Variants in GPR132 observed in about 807,000 individuals in gnomAD.
The protein encoded by GPR132 is G protein-coupled receptor 132, also known as probable G protein-coupled receptor 132.
GPR132 carries 4 observed loss-of-function variants against 1.9 expected under a neutral mutation model. The ratio of observed to expected loss-of-function variants is 2.13; its 90% CI spans 1.05 to 4.87. The LOEUF (loss-of-function observed/expected upper bound fraction) is 4.87, where lower values mean the gene tolerates loss of function less well. Ranked by LOEUF, GPR132 falls within the 30% of genes most tolerant of loss-of-function variation. GPR132 has a pLI of 0.01. For synonymous variants in GPR132, 233 were observed against 234.2 expected (o/e 0.99, Z 0.05); for missense variants, 404 against 512.5 (o/e 0.79, Z 2.04).
At chr14:105,063,093 C>T (rs966617418) in intron 1 of GPR132, among the ~76,000 whole-genome samples, 2 of 152,036 alleles carry the variant, frequency 1.3e-5, no homozygotes. Flanking sequence ...AATTTTTGTA[C>T]TTTTATTCTT....
rs111359008 is a variant in GPR132 at position 105,056,409 on chromosome 14, GC to G, written c.-746-244del. Reference sequence around the variant, plus strand: ...GAGGAAGTTTCGGGCCCCCTACACGGCCCCGTCTCTTTCATGACAATCACAG... The same window carrying G: ...GAGGAAGTTTCGGGCCCCCTACACGGCCCGTCTCTTTCATGACAATCACAG... On this transcript the variant is annotated intron_variant, in intron 2 of 3. Coordinates refer to ENST00000329797, the MANE Select transcript of GPR132 (RefSeq NM_013345.4). This position sits in a 1 kb window ranked among gnomAD's most constrained non-coding sequence, Gnocchi z 6.0. Among the ~76,000 whole-genome samples, 35 of 152,304 alleles carry G rather than the reference GC, an allele frequency of 2.3e-4. No homozygotes were observed. The highest frequency in any genetic ancestry group is 7.9e-4 in the African/African-American group (33 of 41,572).
At position 105,055,122 on chromosome 14, in the gene GPR132, G is replaced by A. The variant is rs1886755763; in HGVS notation, c.34+265C>T. ...AGGCAGGTGGATCACCCGAGGTCTGGAGTTCCAGACCAGCCTGACCAACAT... is the reference window on the plus strand; with the variant it reads ...AGGCAGGTGGATCACCCGAGGTCTGAAGTTCCAGACCAGCCTGACCAACAT... On this transcript the variant is annotated intron_variant, in intron 3 of 3. Coordinates refer to ENST00000329797, the MANE Select transcript of GPR132 (RefSeq NM_013345.4). The surrounding 1 kb of genome is among the most constrained non-coding windows in gnomAD (Gnocchi z 4.7). 6.6e-6 allele frequency among the ~76,000 whole-genome samples: 1 copy of A among 151,550 alleles called. No individual in the cohort carries two copies. The highest frequency in any genetic ancestry group is 2.1e-4 in the South Asian group (1 of 4,814).
At chr14:105,054,511 A>C (rs1595136288) in intron 3 of GPR132, 1 of 607,814 alleles carries the variant, frequency 1.6e-6, no homozygotes, top group Non-Finnish European at 2.1e-6. Context: ...TGCTACTGCA[A>C]CCTCTGCCTC....
At chr14:105,054,447 G>A (rs1318489375) in intron 3 of GPR132, 73 of 845,448 alleles carry the variant, frequency 8.6e-5, no homozygotes, top group African/African-American at 1.2e-4. Flanking sequence ...TTTTTGAGAC[G>A]TAGTCTCAAA....
chr14:105,061,460 G>T (rs1886940237), intron 1 of GPR132, among the ~76,000 whole-genome samples: 1 of 152,216 alleles, frequency 6.6e-6, no homozygotes. Context: ...GTGAGCTCAG[G>T]ATAGGGGCTC....
rs199688890 is a variant in GPR132 at position 105,062,912 on chromosome 14, ATTTG to A, written c.-861+2463_-861+2466del. Among the ~76,000 whole-genome samples, 897 of 148,536 alleles carry A rather than the reference ATTTG, an allele frequency of 6.0e-3. 8 individuals are homozygous for A. Among genetic ancestry groups the A allele is most frequent in the Non-Finnish European group, 6.9e-3 (464 of 67,068 alleles). Reference sequence around the variant, plus strand: ...ACCCTCTCCCTCTCTCTCTTGCTTTATTTGTTTGTTTGTTTGTTTATTTATTTAT... The same window carrying A: ...ACCCTCTCCCTCTCTCTCTTGCTTTATTTGTTTGTTTGTTTATTTATTTAT... On this transcript the variant is annotated intron_variant, in intron 1 of 3. Transcript: ENST00000329797.
intron 3 of GPR132, chr14:105,053,982 G>T (rs997614227): frequency 4.0e-6 from 5 of 1,240,694 alleles, no homozygotes; most frequent in Non-Finnish European, 5.2e-6. Flanking sequence ...CAGCCAGGGG[G>T]TTGCTAGAGG....
chr14:105,052,475 G>C (rs991965728), intron 3 of GPR132, among the ~76,000 whole-genome samples: 2 of 151,890 alleles, frequency 1.3e-5, no homozygotes, highest in Non-Finnish European at 2.9e-5. Context: ...TTACAGGCAC[G>C]TGCCACCATG....
Position 105,052,002 on chromosome 14 carries a change from CA to C in GPR132, c.134del (p.Leu45ArgfsTer18), listed in dbSNP as rs746108332. ...NVSFEESRIVLVVVYSAVCTL... is the reference protein window; with the variant it reads ...NVSFEESRIVXVVVYSAVCTL... ...TGCACACCGCGCTGTACACCACGAC[CA>C]GGACTATCCTGCTCTCTTCGAAGGA... is the stretch of plus-strand genomic sequence containing the variant. On this transcript the variant is annotated frameshift_variant, in exon 4 of 4. Coordinates refer to ENST00000329797, the MANE Select transcript of GPR132 (RefSeq NM_013345.4). LOFTEE classifies it low-confidence loss of function (END_TRUNC). 10 of 1,612,574 alleles carry C rather than the reference CA, an allele frequency of 6.2e-6. No individual in the cohort carries two copies. In the Admixed American group the frequency reaches 1.3e-4, roughly 21 times the overall value.
chr14:105,062,706 T>A (rs1257889662), intron 1 of GPR132, among the ~76,000 whole-genome samples: 1 of 151,740 alleles, frequency 6.6e-6, no homozygotes, highest in African/African-American at 2.4e-5. Flanking sequence ...GTCCAGCTAC[T>A]TTTTTTGTAT....
rs1035108801 is a variant in GPR132, at chr14:105,050,628, A to G, written c.*366T>C. 3.6e-5 allele frequency: 10 copies of G among 279,124 alleles called. No individual in the cohort carries two copies. Among genetic ancestry groups the G allele is most frequent in the African/African-American group, 2.0e-4 (9 of 46,070 alleles). 17.3% of individuals were successfully genotyped at this position (279,124 alleles called of 1,614,324 possible). ...GCAACGCTTGCAGAAATGCTCCGCA[A>G]ATAAAGTCATCGCCACTGATGCGAA... On this transcript the variant is annotated 3_prime_UTR_variant, in exon 4 of 4. Transcript: ENST00000329797. The surrounding 1 kb of genome is among the most constrained non-coding windows in gnomAD (Gnocchi z 4.0).
intron 1 of GPR132, among the ~76,000 whole-genome samples, chr14:105,061,016 A>T (rs1312323512): frequency 6.6e-6 from 1 of 152,252 alleles, no homozygotes; most frequent in Non-Finnish European, 1.5e-5. Context: ...CGGCCCATGC[A>T]GCGTGAGCTG....
Position 105,060,928 on chromosome 14 carries a change from G to A in GPR132, c.-860-3648C>T. 6.6e-6 allele frequency among the ~76,000 whole-genome samples: 1 copy of A among 152,250 alleles called. No homozygotes were observed. Among genetic ancestry groups the A allele is most frequent in the South Asian group, 2.1e-4 (1 of 4,834 alleles). On this transcript the variant is annotated intron_variant, in intron 1 of 3. Coordinates refer to ENST00000329797, the MANE Select transcript of GPR132 (RefSeq NM_013345.4). The surrounding 1 kb of genome is among the most constrained non-coding windows in gnomAD (Gnocchi z 6.3). ...GAGGCTCACAGCGAGGCCCCTCTGG[G>A]ATCCAGGCCTGTATGTTGAGAGCAG...
rs1326066717 is a variant in GPR132 at position 105,049,617 on chromosome 14, G to A, written c.*1377C>T. On this transcript the variant is annotated 3_prime_UTR_variant, in exon 4 of 4. Coordinates refer to ENST00000329797, the MANE Select transcript of GPR132 (RefSeq NM_013345.4). ...TGTATTTTTCTGATGACTCTCAAGG[G>A]GAGGATGGCTGTTTTGGCTGGGTGT... is the stretch of plus-strand genomic sequence containing the variant. The A allele has an allele frequency of 6.6e-6, 1 of 151,968 alleles. No homozygotes were observed. The highest frequency in any genetic ancestry group is 1.5e-5 in the Non-Finnish European group (1 of 68,050). 9.4% of individuals were successfully genotyped at this position (151,968 alleles called of 1,614,324 possible). A position where few individuals can be genotyped will look rare whatever the true frequency, so the allele number is the denominator to read the frequency against.
chr14:105,062,778 T>C (rs574113271), intron 1 of GPR132, among the ~76,000 whole-genome samples: 1 of 151,978 alleles, frequency 6.6e-6, no homozygotes, highest in African/African-American at 2.4e-5. Flanking sequence ...TGGGCTCCAA[T>C]GATCCTCCTG....
Position 105,052,109 on chromosome 14 carries a change from G to A in GPR132, c.35-7C>T, listed in dbSNP as rs373787926. On this transcript the variant is annotated splice_region_variant and splice_polypyrimidine_tract_variant and intron_variant, in intron 3 of 3. Coordinates refer to ENST00000329797, the MANE Select transcript of GPR132 (RefSeq NM_013345.4). ...GTCACTGGGGTGGCGTTTCCTGTGG[G>A]ACAGAGACAAGAGTGAGGACGGGAG... The A allele has an allele frequency of 6.4e-5, 99 of 1,552,192 alleles. No individual in the cohort carries two copies. Among genetic ancestry groups the A allele is most frequent in the Non-Finnish European group, 7.6e-5 (88 of 1,151,806 alleles).
intron 3 of GPR132, among the ~76,000 whole-genome samples, chr14:105,052,528 T>C (rs1036324938): frequency 2.0e-5 from 3 of 151,332 alleles, no homozygotes; most frequent in Non-Finnish European, 2.9e-5. Flanking sequence ...GGTTTCACCA[T>C]GTTGGCCAGG....
At position 105,050,849 on chromosome 14, in the gene GPR132, C is replaced by T. The variant is rs909125870; in HGVS notation, c.*145G>A. The T allele has an allele frequency of 5.6e-5, 42 of 754,520 alleles. No individual in the cohort carries two copies. The highest frequency in any genetic ancestry group is 8.3e-5 in the Admixed American group (3 of 36,138). The allele number at this position is 754,520 out of a possible 1,614,324, so 46.7% of individuals were successfully genotyped here. On this transcript the variant is annotated 3_prime_UTR_variant, in exon 4 of 4. Transcript: ENST00000329797. The surrounding 1 kb of genome is among the most constrained non-coding windows in gnomAD (Gnocchi z 4.0). Reference sequence around the variant, plus strand: ...TGGGAAAGCCTGGGGCCAGTGGTCACGGAGGGAGTGGCTTCAGGAACGAGA... The same window carrying T: ...TGGGAAAGCCTGGGGCCAGTGGTCATGGAGGGAGTGGCTTCAGGAACGAGA...
chr14:105,063,054 A>T (rs1008605143), intron 1 of GPR132, among the ~76,000 whole-genome samples: 24 of 152,020 alleles, frequency 1.6e-4, no homozygotes, highest in African/African-American at 5.8e-4. Flanking sequence ...AGTAACTGGG[A>T]CTACAGGCAC....
Sources: allele counts gnomAD v4.1 joint callset (sites outside exome capture counted in the v4.1 genomes callset), GRCh38; gene constraint gnomAD v4.1.1; non-coding constraint Gnocchi (gnomAD v3.1); transcripts MANE v1.5; gene names NCBI Gene and HGNC (gene_info 2026-07-23, HGNC 2026-07-21).